The following CNTN5 variants were observed in gnomAD, a reference collection of about 807,000 sequenced individuals.
CNTN5 encodes contactin-5.
Under a neutral mutation model 129.1 loss-of-function variants are expected in CNTN5, and 77 were observed. The ratio of observed to expected loss-of-function variants is 0.60; its 90% confidence interval spans 0.50 to 0.72. The LOEUF (loss-of-function observed/expected upper bound fraction) is 0.72. Ranked by LOEUF, CNTN5 falls within the 30% of genes least tolerant of loss-of-function variation. The probability of loss-of-function intolerance (pLI) is 0.00; values close to 1 mark genes in which losing one functional copy is unlikely to be tolerated. For missense variants in CNTN5, 1,478 were observed against 1,328.8 expected, an observed-to-expected ratio of 1.11 and a Z score of -1.75; for synonymous variants, 509 against 465.6, an observed-to-expected ratio of 1.09 and a Z score of -1.20.
chr11:100,040,228 G>T (rs1182976579), intron 9 of CNTN5, among the ~76,000 whole-genome samples: 2 of 152,158 alleles, frequency 1.3e-5, no homozygotes, highest in Admixed American at 1.3e-4. Context: ...GTTTGCTAGA[G>T]GTCCACTCCA....
chr11:100,120,635 GT>G (rs1591279041), intron 13 of CNTN5, among the ~76,000 whole-genome samples: 1 of 151,938 alleles, frequency 6.6e-6, no homozygotes, highest in East Asian at 1.9e-4. Flanking sequence ...TTGAAACAAA[GT>G]GAAGACAAGG....
At chr11:99,790,796 T>C (rs952890008) in intron 3 of CNTN5, among the ~76,000 whole-genome samples, 2 of 152,110 alleles carry the variant, frequency 1.3e-5, no homozygotes, top group Non-Finnish European at 2.9e-5. Flanking sequence ...TAGCAACATA[T>C]AAGCCATCCC....
chr11:99,523,328 G>A (rs187838262), intron 2 of CNTN5, among the ~76,000 whole-genome samples: 1 of 152,218 alleles, frequency 6.6e-6, no homozygotes, highest in African/African-American at 2.4e-5. Context: ...CTTGTGGCTG[G>A]CTGGGTGCAG....
chr11:99,062,452 G>A (rs10790441), intron 1 of CNTN5, among the ~76,000 whole-genome samples: 70,093 of 151,852 alleles, frequency 0.46, 16,489 homozygotes, highest in Non-Finnish European at 0.48. Context: ...AGAGATGTTT[G>A]CCACTGGTAT....
At chr11:100,031,736 T>C (rs1941718531) in intron 9 of CNTN5, among the ~76,000 whole-genome samples, 1 of 152,260 alleles carries the variant, frequency 6.6e-6, no homozygotes, top group Admixed American at 6.5e-5. Context: ...CTGATGCACA[T>C]GTTATATTGT....
intron 6 of CNTN5, among the ~76,000 whole-genome samples, chr11:99,878,745 C>G (rs1948697387): frequency 6.6e-6 from 1 of 152,004 alleles, no homozygotes; most frequent in Admixed American, 6.5e-5. Flanking sequence ...AGTCCCGCTA[C>G]TAGGGAGGCT....
At chr11:99,847,981 G>A (rs905940378) in intron 6 of CNTN5, among the ~76,000 whole-genome samples, 1 of 152,206 alleles carries the variant, frequency 6.6e-6, no homozygotes, top group African/African-American at 2.4e-5. Context: ...GGGCAGCCGA[G>A]GCGGGCGGAT....
intron 9 of CNTN5, among the ~76,000 whole-genome samples, chr11:100,059,897 A>C (rs775478969): frequency 6.6e-6 from 1 of 152,192 alleles, no homozygotes; most frequent in Non-Finnish European, 1.5e-5. Context: ...TTATAGCAGC[A>C]TTGATTTTTA....
intron 6 of CNTN5, among the ~76,000 whole-genome samples, chr11:99,899,567 A>G (rs1949299531): frequency 1.3e-5 from 2 of 152,160 alleles, no homozygotes; most frequent in South Asian, 4.1e-4. Context: ...GCATCCCTTG[A>G]GCGAAGCACA....
chr11:100,309,894 T>A (rs1182481197), intron 21 of CNTN5, among the ~76,000 whole-genome samples: 2 of 151,796 alleles, frequency 1.3e-5, no homozygotes, highest in African/African-American at 4.8e-5. Flanking sequence ...GCTTGGAAAG[T>A]GACCTCGCCA....
chr11:99,171,284 G>T (rs1289000064), intron 1 of CNTN5, among the ~76,000 whole-genome samples: 1 of 152,118 alleles, frequency 6.6e-6, no homozygotes, highest in East Asian at 1.9e-4. Flanking sequence ...CACAAAATTT[G>T]CATAGAGAGT....
At chr11:99,595,313 G>A (rs1006703654) in intron 3 of CNTN5, among the ~76,000 whole-genome samples, 4 of 151,884 alleles carry the variant, frequency 2.6e-5, no homozygotes, top group Non-Finnish European at 5.9e-5. Context: ...ACATCACAGT[G>A]TACCCCATAA....
At chr11:99,376,573 A>G (rs554461280) in intron 2 of CNTN5, among the ~76,000 whole-genome samples, 18 of 152,322 alleles carry the variant, frequency 1.2e-4, no homozygotes, top group Admixed American at 7.8e-4. Context: ...AGTCTAGTCA[A>G]GGTATCCTTG....
At chr11:99,522,664 C>G (rs2515381) in intron 2 of CNTN5, among the ~76,000 whole-genome samples, 5,514 of 152,078 alleles carry the variant, frequency 0.036, 142 homozygotes, top group Non-Finnish European at 0.056. Context: ...GATTTTCTGC[C>G]TTTAATGTAG....
chr11:99,901,640 T>C (rs1343193256), intron 6 of CNTN5, among the ~76,000 whole-genome samples: 1 of 152,152 alleles, frequency 6.6e-6, no homozygotes, highest in African/African-American at 2.4e-5. Context: ...TATTTTTTTC[T>C]AAATCTAAAT....
chr11:100,002,128 A>G lies in CNTN5; in HGVS notation c.972A>G (p.Ala324=). ...CAACTGTTAAGATGGAATGCTTTGC[A>G]CTTGGCAAGTAAGTACATGTTCTTC... ...KGTTVKMECF[A]LGNPVPTITW... is the part of the protein sequence containing the mutation. The change falls in exon 9 of 25, where the codon GCA becomes GCG. Residue 324 remains alanine (A), a synonymous_variant. Coordinates refer to ENST00000524871, the MANE Select transcript of CNTN5 (RefSeq NM_014361.4). 6.4e-7 allele frequency: 1 copy of G among 1,564,558 alleles called. No homozygotes were observed.
intron 2 of CNTN5, among the ~76,000 whole-genome samples, chr11:99,512,522 G>T (rs577312504): frequency 1.8e-4 from 28 of 152,244 alleles, no homozygotes; most frequent in Middle Eastern, 3.4e-3. Context: ...TGCAGATATT[G>T]TCTTATTTAT....
At chr11:100,018,050 T>A (rs189623764) in intron 9 of CNTN5, among the ~76,000 whole-genome samples, 1 of 152,094 alleles carries the variant, frequency 6.6e-6, no homozygotes, top group African/African-American at 2.4e-5. Context: ...GTGACTTAAA[T>A]GTGTAGAGAA....
chr11:99,692,203 C>A (rs1954069324), intron 3 of CNTN5, among the ~76,000 whole-genome samples: 2 of 152,092 alleles, frequency 1.3e-5, no homozygotes, highest in Admixed American at 1.3e-4. Context: ...CAACGTGCCA[C>A]TCTGTGTCTT....
Sources: gnomAD v4.1 joint callset for allele counts (sites outside exome capture counted in the v4.1 genomes callset) on GRCh38, gnomAD v4.1.1 for gene constraint, MANE v1.5 for transcripts, NCBI Gene and HGNC (gene_info 2026-07-23, HGNC 2026-07-21) for gene names.